Variants in KATNB1 observed in about 807,000 individuals in gnomAD.
The protein encoded by KATNB1 is katanin regulatory subunit B1, also known as katanin p80 WD40 repeat-containing subunit B1.
Under a neutral mutation model 82.3 loss-of-function variants are expected in KATNB1, and 38 were observed. The observed-to-expected ratio is 0.46, with a 90% CI of 0.36 to 0.61. KATNB1 has a LOEUF of 0.61. Among genes scored for constraint, KATNB1 ranks in the 20% least tolerant of loss-of-function variants. The probability of loss-of-function intolerance (pLI) is 0.00; values close to 1 mark genes in which losing one functional copy is unlikely to be tolerated. For missense variants in KATNB1, 749 were observed against 915.7 expected, an observed-to-expected ratio of 0.82 and a Z score of 2.35; for synonymous variants, 361 against 368.7, an observed-to-expected ratio of 0.98 and a Z score of 0.24.
At chr16:57,739,101 G>A (rs559345270) in intron 2 of KATNB1, among the ~76,000 whole-genome samples, 5 of 152,230 alleles carry the variant, frequency 3.3e-5, no homozygotes, top group Admixed American at 6.5e-5. Flanking sequence ...ATGTGGGGCC[G>A]CACGGACCTA....
rs200487909 is a variant in KATNB1 at position 57,750,158 on chromosome 16, G to A, written c.290-669G>A. ...CCTGGTCTGTCTCTCTCCTTGCACT[G>A]TCTTGGGTGGGGTTCAGTGCCCTGC... is the stretch of plus-strand genomic sequence containing the variant. On this transcript the variant is annotated intron_variant, in intron 4 of 19. Coordinates refer to ENST00000379661, the MANE Select transcript of KATNB1 (RefSeq NM_005886.3). Among the ~76,000 whole-genome samples, 11 of 152,294 alleles carry A rather than the reference G, an allele frequency of 7.2e-5. No individual in the cohort carries two copies. The East Asian group carries it at 2.1e-3, about 29-fold the overall frequency.
At chr16:57,746,200 T>C (rs1462144511) in intron 4 of KATNB1, among the ~76,000 whole-genome samples, 2 of 152,258 alleles carry the variant, frequency 1.3e-5, no homozygotes, top group East Asian at 1.9e-4. Flanking sequence ...TAGAGTTCTA[T>C]GTTGGCAATA....
At position 57,751,372 on chromosome 16, in the gene KATNB1, C is replaced by T. The variant is rs2049226321; in HGVS notation, c.432+70C>T. On this transcript the variant is annotated intron_variant, in intron 6 of 19. Coordinates refer to ENST00000379661, the MANE Select transcript of KATNB1 (RefSeq NM_005886.3). The surrounding 1 kb of genome is among the most constrained non-coding windows in gnomAD (Gnocchi z 6.3). ...ATTGAGTGTGGTGTGGTGCCCAGAC[C>T]CCAGCAGGGGGTGGAGGGGACGGCT... 5 of 1,452,324 alleles carry T rather than the reference C, an allele frequency of 3.4e-6. No homozygotes were observed. The highest frequency in any genetic ancestry group is 2.8e-5 in the African/African-American group (2 of 71,764). 90.0% of individuals were successfully genotyped at this position (1,452,324 alleles called of 1,614,324 possible).
intron 18 of KATNB1, 37 bp downstream of exon 18, chr16:57,756,103 G>T: frequency 3.8e-6 from 6 of 1,592,854 alleles, no homozygotes; most frequent in Non-Finnish European, 5.1e-6. Context: ...TGAAGCAGGG[G>T]GAGGGGAGAG....
chr16:57,741,957 G>T (rs1423499144), intron 3 of KATNB1, 140 bp downstream of exon 3: 1 of 1,024,686 alleles, frequency 9.8e-7, no homozygotes, highest in Admixed American at 2.1e-5. Flanking sequence ...CAGCTCAGGG[G>T]TGGAGGGGGC....
rs1184564927 is a variant in KATNB1 at position 57,735,867 on chromosome 16, A to AAGGGGACGAGGTGGCG, written c.-267+21_-267+36dup. The AAGGGGACGAGGTGGCG allele has an allele frequency of 6.6e-6, 1 of 152,650 alleles. No homozygotes were observed. Among genetic ancestry groups the AAGGGGACGAGGTGGCG allele is most frequent in the African/African-American group, 2.4e-5 (1 of 41,444 alleles). 9.5% of individuals were successfully genotyped at this position (152,650 alleles called of 1,614,324 possible). A position where few individuals can be genotyped will look rare whatever the true frequency, so the allele number is the denominator to read the frequency against. ...AGCCGCAGCTGCAGGTGGAGTGGGC[A>AAGGGGACGAGGTGGCG]AGGGGACGAGGTGGCGAGGGGACGG... On this transcript the variant is annotated intron_variant, in intron 1 of 19. Coordinates refer to ENST00000379661, the MANE Select transcript of KATNB1 (RefSeq NM_005886.3).
intron 13 of KATNB1, 98 bp from the exon 14 acceptor site, chr16:57,754,832 C>T (rs1359917369): frequency 4.1e-6 from 5 of 1,234,146 alleles, no homozygotes; most frequent in Admixed American, 1.7e-5. Flanking sequence ...CTGCTCCATC[C>T]CCCCATTGCA....
At position 57,754,979 on chromosome 16, in the gene KATNB1, G is replaced by T; in HGVS notation, c.1278G>T (p.Val426=). 6.2e-7 allele frequency: 1 copy of T among 1,614,088 alleles called. No homozygotes were observed. The part of the protein sequence containing the change: ...EAAKPSPAMD[V]QFPVPNLEVL... ...CAAAGCCCAGCCCTGCCATGGATGT[G>T]CAGTTCCCGGTGCCAAATGTATGTC... is the stretch of plus-strand genomic sequence containing the variant. The change falls in exon 14 of 20, where the codon GTG becomes GTT. Residue 426 remains valine (V), a synonymous_variant. Transcript: ENST00000379661.
chr16:57,741,759 C>T lies in KATNB1; in HGVS notation c.113C>T (p.Thr38Ile), dbSNP rs1555579670. 2 of 1,613,822 alleles carry T rather than the reference C, an allele frequency of 1.2e-6. No individual in the cohort carries two copies. The highest frequency in any genetic ancestry group is 1.7e-5 in the Admixed American group (1 of 60,014). ...AAAGCCTCCGGGCGGCTGCTGGCTA[C>T]AGGCGGGGATGACTGCCGCGTCAAC... ...LGKASGRLLA[T>I]GGDDCRVNLW... Residue 38 changes from threonine (T) to isoleucine (I), a missense_variant, in exon 3 of 20, where the codon ACA becomes ATA. By Grantham distance (89) the Thr-to-Ile change is moderately conservative (BLOSUM62 -1). This residue lies in a region of KATNB1 where 247 missense variants were observed against 349.4 expected (regional missense o/e 0.71). Transcript: ENST00000379661.
At chr16:57,755,765 C>T (rs1555585841) in intron 16 of KATNB1, 76 bp from the exon 17 acceptor site, 4 of 1,387,046 alleles carry the variant, frequency 2.9e-6, no homozygotes, top group Admixed American at 4.4e-5. Flanking sequence ...CATTCACGTT[C>T]GTACCCCCAC....
intron 2 of KATNB1, among the ~76,000 whole-genome samples, chr16:57,738,062 T>C (rs1334623697): frequency 1.3e-5 from 2 of 152,198 alleles, no homozygotes; most frequent in African/African-American, 4.8e-5. Flanking sequence ...TTTTGTCTTC[T>C]CAGACCCCCC....
At chr16:57,756,118 G>A in intron 18 of KATNB1, 52 bp downstream of exon 18, 1 of 1,576,664 alleles carries the variant, frequency 6.3e-7, no homozygotes, top group Non-Finnish European at 8.6e-7. Context: ...GGAGAGGTAA[G>A]AAGCCTCCTC....
Position 57,754,836 on chromosome 16 carries a change from C to A in KATNB1, c.1229-94C>A, listed in dbSNP as rs1225214779. On this transcript the variant is annotated intron_variant, in intron 13 of 19. Transcript: ENST00000379661. ...CCCCCATGCTCCTGCTCCATCCCCC[C>A]ATTGCAGATGCTGCCCAGAGTCCCG... The A allele has an allele frequency of 4.0e-6, 5 of 1,265,422 alleles. No homozygotes were observed. The African/African-American group carries it at 4.4e-5, about 11-fold the overall frequency. The allele number at this position is 1,265,422 out of a possible 1,614,324, so 78.4% of individuals were successfully genotyped here. A position where few individuals can be genotyped will look rare whatever the true frequency, so the allele number is the denominator to read the frequency against.
rs146270892 is a variant in KATNB1 at position 57,755,934 on chromosome 16, G to A, written c.1643+17G>A. 4.4e-6 allele frequency: 7 copies of A among 1,605,982 alleles called. No individual in the cohort carries two copies. In the East Asian group the frequency reaches 9.0e-5, roughly 21 times the overall value. The stretch of plus-strand genomic sequence containing the variant: ...CCAGAAAGCGTAAGTGGCTGCAGAG[G>A]GGGAGTGGGCGGAGGGGCAGGGCTG... On this transcript the variant is annotated intron_variant, in intron 17 of 19. Transcript: ENST00000379661.
rs375384692 is a variant in KATNB1, at chr16:57,744,444, C to A, written c.222C>A (p.Pro74=). Residue 74 remains proline (P), a synonymous_variant, in exon 4 of 20, where the codon CCC becomes CCA. Transcript: ENST00000379661. ...TGGAGAGCGTCCGCCTCAACACCCC[C>A]GAGGAGCTCATCGTGGCCGGCTCTC... ...SPVESVRLNT[P]EELIVAGSQS... is the part of the protein sequence containing the mutation. 3.1e-6 allele frequency: 5 copies of A among 1,613,934 alleles called. No individual in the cohort carries two copies. The African/African-American group carries it at 4.0e-5, about 13-fold the overall frequency.
chr16:57,748,446 G>A (rs115565352), intron 4 of KATNB1, among the ~76,000 whole-genome samples: 2,057 of 150,062 alleles, frequency 0.014, 58 homozygotes, highest in African/African-American at 0.048. Flanking sequence ...GGCAACAAAA[G>A]GAGACCCCAT....
chr16:57,739,699 G>T lies in KATNB1; in HGVS notation c.41-1988G>T, dbSNP rs141345925. On this transcript the variant is annotated intron_variant, in intron 2 of 19. Coordinates refer to ENST00000379661, the MANE Select transcript of KATNB1 (RefSeq NM_005886.3). ...AGTCCCTGGTCAGGCTGCTTAGAGG[G>T]GAGTGATGTGGGCTCCTCCAGAAGG... Among the ~76,000 whole-genome samples, 28 of 152,238 alleles carry T rather than the reference G, an allele frequency of 1.8e-4. No individual in the cohort carries two copies. The East Asian group carries it at 4.3e-3, about 23-fold the overall frequency.
intron 4 of KATNB1, among the ~76,000 whole-genome samples, chr16:57,744,896 G>A (rs1021186033): frequency 2.4e-4 from 36 of 152,296 alleles, no homozygotes; most frequent in African/African-American, 8.4e-4. Flanking sequence ...AAGAACCGGG[G>A]AGCTTGTACC....
chr16:57,737,729 C>T (rs549659168), intron 2 of KATNB1, among the ~76,000 whole-genome samples: 17 of 152,080 alleles, frequency 1.1e-4, no homozygotes, highest in Admixed American at 9.2e-4. Flanking sequence ...CGAGGAGGGG[C>T]GGGCAGAGGG....
Sources: allele counts gnomAD v4.1 joint callset (sites outside exome capture counted in the v4.1 genomes callset), GRCh38; gene constraint gnomAD v4.1.1; regional missense constraint gnomAD v4.1.1; non-coding constraint Gnocchi (gnomAD v3.1); transcripts MANE v1.5; gene names NCBI Gene and HGNC (gene_info 2026-07-23, HGNC 2026-07-21).